SSR1: variants seen among roughly 807,000 people sequenced by gnomAD.
SSR1 encodes signal sequence receptor subunit 1.
A neutral mutation model predicts 36.1 loss-of-function variants in SSR1; 13 were observed. The observed-to-expected ratio is 0.36, with a 90% CI of 0.23 to 0.57. SSR1 has a LOEUF of 0.57. SSR1 is among the 20% of genes least tolerant of loss of function. The pLI is 0.81. For synonymous variants in SSR1, 113 were observed against 118.9 expected (o/e 0.95, Z 0.32); for missense variants, 291 against 338.5 (o/e 0.86, Z 1.10).
chr6:7,301,886 G>T (rs1174190839), intron 3 of SSR1, among the ~76,000 whole-genome samples: 1 of 150,146 alleles, frequency 6.7e-6, no homozygotes, highest in African/African-American at 2.4e-5. Flanking sequence ...CAAGCAGCAG[G>T]GTTACGTGTG....
intron 7 of SSR1, among the ~76,000 whole-genome samples, chr6:7,292,122 T>A (rs1032888260): frequency 6.6e-6 from 1 of 152,292 alleles, no homozygotes; most frequent in East Asian, 1.9e-4. Flanking sequence ...CCACTGATGC[T>A]ATATGTCCCA....
intron 2 of SSR1, among the ~76,000 whole-genome samples, chr6:7,305,512 A>G (rs901053929): frequency 2.0e-5 from 3 of 152,246 alleles, no homozygotes; most frequent in Admixed American, 6.5e-5. Context: ...CTTGGTAAAG[A>G]TAAGTAGGTG....
chr6:7,303,652 A>G lies in SSR1; in HGVS notation c.193-15T>C, dbSNP rs748385304. 1.3e-6 allele frequency: 2 copies of G among 1,572,116 alleles called. No homozygotes were observed. Among genetic ancestry groups the G allele is most frequent in the Admixed American group, 1.8e-5 (1 of 55,098 alleles). ...TTATCTTCTACCTAAGAAAAAGAAC[A>G]ATTAAGAGGAGATTACTATGGGAGA... is the stretch of plus-strand genomic sequence containing the variant. On this transcript the variant is annotated splice_polypyrimidine_tract_variant and intron_variant, in intron 2 of 7. Coordinates refer to ENST00000244763, the MANE Select transcript of SSR1 (RefSeq NM_003144.5).
intron 6 of SSR1, chr6:7,297,122 A>G: frequency 8.8e-6 from 3 of 339,382 alleles, no homozygotes; most frequent in South Asian, 2.0e-5. Flanking sequence ...CAGGAAGCTG[A>G]GGTGGGAGGA....
intron 7 of SSR1, among the ~76,000 whole-genome samples, chr6:7,293,710 G>A (rs1011463369): frequency 3.3e-5 from 5 of 152,084 alleles, no homozygotes; most frequent in Admixed American, 3.3e-4. Flanking sequence ...CACCACGCCT[G>A]GCCAAATATT....
rs1757491247 is a variant in SSR1, at chr6:7,284,032, A to G, written c.*5832T>C. 1 of 152,232 alleles carries G rather than the reference A, an allele frequency of 6.6e-6. No homozygotes were observed. Among genetic ancestry groups the G allele is most frequent in the African/African-American group, 2.4e-5 (1 of 41,460 alleles). The allele number at this position is 152,232 out of a possible 1,614,324, so 9.4% of individuals were successfully genotyped here. On this transcript the variant is annotated 3_prime_UTR_variant, in exon 8 of 8. Transcript: ENST00000244763. ...CTCCATCTGAACACTACTCTTGACCACAGTATTTCTCATTCTCCTTTCTGA... is the reference window on the plus strand; with the variant it reads ...CTCCATCTGAACACTACTCTTGACCGCAGTATTTCTCATTCTCCTTTCTGA...
intron 7 of SSR1, among the ~76,000 whole-genome samples, chr6:7,291,665 C>A (rs999743606): frequency 7.2e-6 from 1 of 137,980 alleles, no homozygotes; most frequent in Non-Finnish European, 1.6e-5. Flanking sequence ...CCCTTACAGA[C>A]AACCAATCTC....
chr6:7,299,564 T>C (rs1757884331), intron 4 of SSR1, among the ~76,000 whole-genome samples: 1 of 151,908 alleles, frequency 6.6e-6, no homozygotes, highest in South Asian at 2.1e-4. Flanking sequence ...CGGGTATGGT[T>C]GCGCATGCCT....
intron 7 of SSR1, among the ~76,000 whole-genome samples, chr6:7,293,561 G>A (rs1476560941): frequency 1.3e-5 from 2 of 151,682 alleles, no homozygotes; most frequent in East Asian, 1.9e-4. Flanking sequence ...CAGCCTAGGC[G>A]CACGTCAACA....
chr6:7,293,344 C>G (rs1045521450), intron 7 of SSR1, among the ~76,000 whole-genome samples: 1 of 152,024 alleles, frequency 6.6e-6, no homozygotes, highest in African/African-American at 2.4e-5. Flanking sequence ...TCCCTCACCC[C>G]CCTCCTACCC....
rs1338679433 is a variant in SSR1 at position 7,289,207 on chromosome 6, T to A, written c.*657A>T. 3 of 152,268 alleles carry A rather than the reference T, an allele frequency of 2.0e-5. No individual in the cohort carries two copies. Among genetic ancestry groups the A allele is most frequent in the African/African-American group, 4.8e-5 (2 of 41,444 alleles). The allele number at this position is 152,268 out of a possible 1,614,324, so 9.4% of individuals were successfully genotyped here. ...GGGGGTAGGATTAGGTTTCATATAT[T>A]AAAGTCAGCAGAAATTTCATGTTTC... On this transcript the variant is annotated 3_prime_UTR_variant, in exon 8 of 8. Transcript: ENST00000244763.
chr6:7,295,584 G>C (rs560062502), intron 6 of SSR1, 99 bp from the exon 7 acceptor site: 25 of 828,356 alleles, frequency 3.0e-5, no homozygotes, highest in Non-Finnish European at 4.3e-5. Flanking sequence ...TGCCCAGGCT[G>C]CCTGGAACTC....
intron 1 of SSR1, among the ~76,000 whole-genome samples, chr6:7,310,970 A>G (rs369628132): frequency 1.5e-3 from 222 of 152,354 alleles, no homozygotes; most frequent in African/African-American, 5.0e-3. Flanking sequence ...TGTAGGAAAC[A>G]CTGTTATCAG....
chr6:7,309,708 G>T (rs1157520013), intron 2 of SSR1, among the ~76,000 whole-genome samples: 2 of 152,162 alleles, frequency 1.3e-5, no homozygotes, highest in African/African-American at 4.8e-5. Flanking sequence ...TCTCCTTGCT[G>T]TCACCTTGTG....
At chr6:7,304,480 T>A (rs1439229080) in intron 2 of SSR1, among the ~76,000 whole-genome samples, 2 of 152,092 alleles carry the variant, frequency 1.3e-5, no homozygotes, top group Admixed American at 6.5e-5. Context: ...TTAACAAAAT[T>A]TTCCTGTGAG....
chr6:7,298,924 C>A, intron 4 of SSR1, 101 bp from the exon 5 acceptor site: 2 of 884,732 alleles, frequency 2.3e-6, no homozygotes, highest in Non-Finnish European at 1.8e-6. Flanking sequence ...TTGAATATAG[C>A]CTTCCCATCA....
rs1222467076 is a variant in SSR1, at chr6:7,313,152, G to C, written c.-32C>G. The C allele has an allele frequency of 1.3e-6, 2 of 1,580,936 alleles. No individual in the cohort carries two copies. Among genetic ancestry groups the C allele is most frequent in the South Asian group, 2.3e-5 (2 of 87,410 alleles). On this transcript the variant is annotated 5_prime_UTR_variant, in exon 1 of 8. Transcript: ENST00000244763. ...GCCGGTCCAGTGTCCAGTTTCCGTC[G>C]GCTAAGGCTCTCGGCGGCTCCGGCG... is the stretch of plus-strand genomic sequence containing the variant.
intron 2 of SSR1, among the ~76,000 whole-genome samples, chr6:7,306,789 G>C (rs567757128): frequency 6.6e-6 from 1 of 151,682 alleles, no homozygotes; most frequent in South Asian, 2.1e-4. Context: ...GGTGGCGGGC[G>C]CCTATAATCC....
intron 2 of SSR1, among the ~76,000 whole-genome samples, chr6:7,307,872 GAGAGC>G (rs1174150259): frequency 6.6e-6 from 1 of 152,188 alleles, no homozygotes; most frequent in African/African-American, 2.4e-5. Context: ...TCTAGTGCCA[GAGAGC>G]ACAAGTAATT....
Sources: allele counts gnomAD v4.1 joint callset (sites outside exome capture counted in the v4.1 genomes callset), GRCh38; gene constraint gnomAD v4.1.1; transcripts MANE v1.5; gene names NCBI Gene and HGNC (gene_info 2026-07-23, HGNC 2026-07-21).